GLIS3: variants seen among roughly 807,000 people sequenced by gnomAD.
The protein encoded by GLIS3 is zinc finger protein GLIS3.
A neutral mutation model predicts 78.6 loss-of-function variants in GLIS3; 53 were observed. The ratio of observed to expected loss-of-function variants is 0.67; its 90% confidence interval spans 0.54 to 0.85. GLIS3 has a LOEUF of 0.85. GLIS3 is among the 40% of genes least tolerant of loss of function. GLIS3 has a pLI of 0.00. For synonymous variants in GLIS3, 684 were observed against 509.9 expected, an observed-to-expected ratio of 1.34 and a Z score of -4.60; for missense variants, 1,703 against 1,231.1, an observed-to-expected ratio of 1.38 and a Z score of -5.74.
the GLIS3 span, among the ~76,000 whole-genome samples, chr9:4,457,589 T>G: frequency 6.6e-6 from 1 of 152,018 alleles, no homozygotes; most frequent in Non-Finnish European, 1.5e-5. Flanking sequence ...GGCTCACATC[T>G]GTAATCTCAG....
intron 4 of GLIS3, among the ~76,000 whole-genome samples, chr9:3,986,855 G>C (rs1243161190): frequency 6.6e-6 from 1 of 152,196 alleles, no homozygotes; most frequent in Non-Finnish European, 1.5e-5. Context: ...GCCTGCTAAA[G>C]TAAAAGTTTG....
intron 4 of GLIS3, among the ~76,000 whole-genome samples, chr9:4,017,183 T>C (rs940708698): frequency 6.6e-6 from 1 of 152,168 alleles, no homozygotes; most frequent in Admixed American, 6.5e-5. Flanking sequence ...CAGACTGGCT[T>C]TGTATATGAC....
chr9:4,385,741 GAAAGAAAGAAAGAAAGAAAGAAAGAA>G, the GLIS3 span, among the ~76,000 whole-genome samples: 2,083 of 43,958 alleles, frequency 0.047, 390 homozygotes, highest in South Asian at 0.074. Flanking sequence ...GAAAGAAAAA[GAAAGAAAGAAAGAAAGAAAGAAAGAA>G]AGAAAGAAAG....
the GLIS3 span, among the ~76,000 whole-genome samples, chr9:4,393,938 T>C: frequency 1.3e-5 from 2 of 152,154 alleles, no homozygotes; most frequent in East Asian, 1.9e-4. Flanking sequence ...CCAGTGGGCC[T>C]GAGTGTGAAT....
chr9:3,850,522 C>T (rs1233031432), intron 9 of GLIS3, among the ~76,000 whole-genome samples: 1 of 152,230 alleles, frequency 6.6e-6, no homozygotes, highest in Non-Finnish European at 1.5e-5. Context: ...GAACTGAACT[C>T]TTTAATAAGT....
At chr9:4,416,977 G>C in the GLIS3 span, among the ~76,000 whole-genome samples, 30 of 152,006 alleles carry the variant, frequency 2.0e-4, no homozygotes, top group Admixed American at 3.3e-4. Flanking sequence ...CGCTGACTGT[G>C]AATTTATCTG....
At chr9:4,484,274 G>A in the GLIS3 span, among the ~76,000 whole-genome samples, 4 of 137,182 alleles carry the variant, frequency 2.9e-5, no homozygotes, top group Admixed American at 2.4e-4. Context: ...GTCTCGCTCT[G>A]TCGCCCAGGC....
At chr9:4,008,518 T>G (rs990101848) in intron 4 of GLIS3, among the ~76,000 whole-genome samples, 6 of 152,186 alleles carry the variant, frequency 3.9e-5, no homozygotes, top group Non-Finnish European at 8.8e-5. Flanking sequence ...GAATTCTGTG[T>G]AGGTGACATA....
At chr9:4,334,345 G>A (rs951200602) in intron 2 of GLIS3, among the ~76,000 whole-genome samples, 3 of 152,154 alleles carry the variant, frequency 2.0e-5, no homozygotes, top group Non-Finnish European at 4.4e-5. Context: ...CAATTAAAAC[G>A]TGGCAGCTAC....
intron 8 of GLIS3, 101 bp from the exon 9 acceptor site, chr9:3,856,285 A>C: frequency 5.7e-6 from 6 of 1,051,026 alleles, no homozygotes; most frequent in Non-Finnish European, 8.7e-6. Context: ...CTGGCTATAC[A>C]AGAGCGTGAC....
At chr9:4,153,708 A>G (rs1834850475) in intron 2 of GLIS3, among the ~76,000 whole-genome samples, 1 of 152,244 alleles carries the variant, frequency 6.6e-6, no homozygotes, top group African/African-American at 2.4e-5. Context: ...AAAGAGATCA[A>G]TAAATGGTAG....
At chr9:3,856,334 C>G in intron 8 of GLIS3, 150 bp from the exon 9 acceptor site, 1 of 717,448 alleles carries the variant, frequency 1.4e-6, no homozygotes, top group Non-Finnish European at 2.4e-6. Context: ...GGATTTTTCT[C>G]TACCCTCTCT....
At chr9:4,095,034 C>T (rs4366133) in intron 4 of GLIS3, among the ~76,000 whole-genome samples, 36,668 of 152,026 alleles carry the variant, frequency 0.24, 5,098 homozygotes, top group East Asian at 0.44. Flanking sequence ...GTGTTGGGAA[C>T]ATTCAATACC....
intron 2 of GLIS3, among the ~76,000 whole-genome samples, chr9:4,321,862 C>G (rs991271676): frequency 2.0e-5 from 3 of 152,042 alleles, no homozygotes; most frequent in African/African-American, 7.2e-5. Flanking sequence ...GTGTACACTA[C>G]CACACCCGAT....
At chr9:4,468,167 C>T in the GLIS3 span, among the ~76,000 whole-genome samples, 1 of 152,164 alleles carries the variant, frequency 6.6e-6, no homozygotes, top group Non-Finnish European at 1.5e-5. Context: ...GATTGGTGTA[C>T]CTGAAAGTGA....
At chr9:4,311,572 C>G (rs1483001507) in intron 2 of GLIS3, among the ~76,000 whole-genome samples, 2 of 152,124 alleles carry the variant, frequency 1.3e-5, no homozygotes, top group Non-Finnish European at 2.9e-5. Flanking sequence ...TCCCTCCCTC[C>G]CAAGCCAGAA....
intron 2 of GLIS3, chr9:4,152,156 C>T: frequency 2.0e-6 from 2 of 978,208 alleles, no homozygotes; most frequent in Non-Finnish European, 2.4e-6. Flanking sequence ...AACTCTGCTT[C>T]CTCCAACACC....
the GLIS3 span, among the ~76,000 whole-genome samples, chr9:4,428,245 G>A: frequency 2.0e-5 from 3 of 152,006 alleles, no homozygotes; most frequent in Non-Finnish European, 4.4e-5. Flanking sequence ...TTGGGAGGTT[G>A]AGGCGGGCGG....
intron 7 of GLIS3, among the ~76,000 whole-genome samples, chr9:3,890,423 C>G (rs1379766509): frequency 6.6e-6 from 1 of 152,120 alleles, no homozygotes; most frequent in Non-Finnish European, 1.5e-5. Context: ...GCATAAAAGA[C>G]ATGGATAGAA....
Sources: gnomAD v4.1 joint callset for allele counts (sites outside exome capture counted in the v4.1 genomes callset) on GRCh38, gnomAD v4.1.1 for gene constraint, MANE v1.5 for transcripts, NCBI Gene and HGNC (gene_info 2026-07-23, HGNC 2026-07-21) for gene names.